The following DZIP1L variants were observed in gnomAD, a reference collection of about 807,000 sequenced individuals.
DZIP1L encodes the protein DAZ interacting zinc finger protein 1 like.
In DZIP1L, 90 loss-of-function variants were observed where a neutral mutation model predicts 88.7. That is an observed-to-expected ratio of 1.02 (90% confidence interval 0.86 to 1.21). The LOEUF (loss-of-function observed/expected upper bound fraction) is 1.21, where lower values mean the gene tolerates loss of function less well. DZIP1L is among the 50% of genes most tolerant of loss of function. DZIP1L has a pLI of 0.00. For synonymous variants in DZIP1L, 363 were observed against 372.1 expected, an observed-to-expected ratio of 0.98 and a Z score of 0.28; for missense variants, 932 against 955.8, an observed-to-expected ratio of 0.98 and a Z score of 0.33.
In DZIP1L at chr3:138,095,303, T is replaced by C. The variant is rs536893603; in HGVS notation, c.587-320A>G. On this transcript the variant is annotated intron_variant, in intron 3 of 15. Coordinates refer to ENST00000327532, the MANE Select transcript of DZIP1L (RefSeq NM_173543.3). ...TCACTTAAAATAAGTATTTTGACAG[T>C]ACTGACACGTGGAAATAGAAATTTA... 2.7e-5 allele frequency among the ~76,000 whole-genome samples: 4 copies of C among 146,584 alleles called. No homozygotes were observed. The East Asian group carries it at 7.7e-4, about 28-fold the overall frequency.
At chr3:138,095,072 G>A (rs1944407911) in intron 3 of DZIP1L, 89 bp from the exon 4 acceptor site, 13 of 1,581,310 alleles carry the variant, frequency 8.2e-6, no homozygotes, top group Admixed American at 7.1e-5. Flanking sequence ...GCCATACCTC[G>A]GTCTCAAACC....
chr3:138,085,903 T>C (rs1420172183), intron 7 of DZIP1L, among the ~76,000 whole-genome samples: 1 of 152,182 alleles, frequency 6.6e-6, no homozygotes, highest in Non-Finnish European at 1.5e-5. Context: ...GTGGCACATA[T>C]ACACCATGGA....
intron 1 of DZIP1L, among the ~76,000 whole-genome samples, chr3:138,110,204 G>T (rs1559868258): frequency 6.6e-6 from 1 of 152,056 alleles, no homozygotes; most frequent in African/African-American, 2.4e-5. Context: ...CACAAGGACA[G>T]AAAATCAAAC....
At chr3:138,064,562 C>T (rs750677326) in intron 15 of DZIP1L, 66 bp downstream of exon 15, 3 of 1,613,516 alleles carry the variant, frequency 1.9e-6, no homozygotes, top group East Asian at 4.5e-5. Flanking sequence ...TCACCCCAGG[C>T]CCCCCAAACT....
chr3:138,063,117 A>G lies in DZIP1L; in HGVS notation c.2143-140T>C. On this transcript the variant is annotated intron_variant, in intron 15 of 15. Coordinates refer to ENST00000327532, the MANE Select transcript of DZIP1L (RefSeq NM_173543.3). The surrounding 1 kb of genome is among the most constrained non-coding windows in gnomAD (Gnocchi z 4.1). ...GGGAAGAAAGCAATAGGGAGATGCTACTCCTCCTGACTTCTCAAGTCTTCC... is the reference window on the plus strand; with the variant it reads ...GGGAAGAAAGCAATAGGGAGATGCTGCTCCTCCTGACTTCTCAAGTCTTCC... 1 of 888,446 alleles carries G rather than the reference A, an allele frequency of 1.1e-6. No homozygotes were observed. Among genetic ancestry groups the G allele is most frequent in the Non-Finnish European group, 1.7e-6 (1 of 593,892 alleles). 55.0% of individuals were successfully genotyped at this position (888,446 alleles called of 1,614,324 possible).
Position 138,094,569 on chromosome 3 carries a change from A to C in DZIP1L, c.708+293T>G, listed in dbSNP as rs552182729. 2.6e-4 allele frequency among the ~76,000 whole-genome samples: 39 copies of C among 152,376 alleles called. 1 individual carries two copies. The highest frequency in any genetic ancestry group is 1.2e-3 in the South Asian group (6 of 4,834). Reference sequence around the variant, plus strand: ...TGTCCACAAAAAGTTAACTAACAGCATTGTGTACGAAGCTAAAATTCAGGT... The same window carrying C: ...TGTCCACAAAAAGTTAACTAACAGCCTTGTGTACGAAGCTAAAATTCAGGT... On this transcript the variant is annotated intron_variant, in intron 4 of 15. Coordinates refer to ENST00000327532, the MANE Select transcript of DZIP1L (RefSeq NM_173543.3).
chr3:138,095,218 A>T (rs1417989038), intron 3 of DZIP1L, among the ~76,000 whole-genome samples: 1 of 152,246 alleles, frequency 6.6e-6, no homozygotes, highest in African/African-American at 2.4e-5. Flanking sequence ...GTGAGAATGC[A>T]AAGTGCTTAG....
At chr3:138,106,808 G>C (rs1390430701) in intron 1 of DZIP1L, among the ~76,000 whole-genome samples, 1 of 151,984 alleles carries the variant, frequency 6.6e-6, no homozygotes, top group Non-Finnish European at 1.5e-5. Context: ...CTCCAGCCTG[G>C]GTGACAGAGC....
chr3:138,068,979 G>A, intron 12 of DZIP1L: 1 of 1,277,294 alleles, frequency 7.8e-7, no homozygotes, highest in Non-Finnish European at 9.9e-7. Flanking sequence ...GACATGTGTG[G>A]ATTGGGTCAC....
At position 138,088,453 on chromosome 3, in the gene DZIP1L, G is replaced by T. The variant is rs147343775; in HGVS notation, c.925C>A (p.Arg309=). 1 of 1,613,922 alleles carries T rather than the reference G, an allele frequency of 6.2e-7. No individual in the cohort carries two copies. Among genetic ancestry groups the T allele is most frequent in the Admixed American group, 1.7e-5 (1 of 59,994 alleles). The change falls in exon 6 of 16, where the codon CGA becomes AGA. Residue 309 remains arginine (R), a synonymous_variant. Coordinates refer to ENST00000327532, the MANE Select transcript of DZIP1L (RefSeq NM_173543.3). ...AGCCACTCCTCTGACTCCTCATCTC[G>T]CAGTGATCCCAGCTTGGACTCCATC... ...SVMESKLGSL[R]DEESEEWLRQ... is the part of the protein sequence containing the mutation.
Position 138,063,998 on chromosome 3 carries a change from C to T in DZIP1L, c.2142+630G>A, listed in dbSNP as rs1222677582. On this transcript the variant is annotated intron_variant, in intron 15 of 15. Transcript: ENST00000327532. This position sits in a 1 kb window ranked among gnomAD's most constrained non-coding sequence, Gnocchi z 4.1. ...AAGTTTTCTGCTTGAAAAATAACAG[C>T]AGTGTGCAAGTTGTTCCCTGATGGA... Among the ~76,000 whole-genome samples the T allele has an allele frequency of 6.6e-6, 1 of 152,140 alleles. No individual in the cohort carries two copies. The highest frequency in any genetic ancestry group is 1.9e-4 in the East Asian group (1 of 5,192).
intron 12 of DZIP1L, among the ~76,000 whole-genome samples, chr3:138,069,986 C>T (rs1031816215): frequency 6.6e-6 from 1 of 152,194 alleles, no homozygotes; most frequent in Non-Finnish European, 1.5e-5. Flanking sequence ...GGGAAGGCTG[C>T]GAAGGGGGCT....
At position 138,063,045 on chromosome 3, in the gene DZIP1L, C is replaced by T; in HGVS notation, c.2143-68G>A. 3 of 1,556,148 alleles carry T rather than the reference C, an allele frequency of 1.9e-6. No homozygotes were observed. Among genetic ancestry groups the T allele is most frequent in the Non-Finnish European group, 2.6e-6 (3 of 1,143,080 alleles). ...GAGGAGGGTGGCTGAGAGCTAAGCACATTGCAGGATGGGAATGCAGAATGG... is the reference window on the plus strand; with the variant it reads ...GAGGAGGGTGGCTGAGAGCTAAGCATATTGCAGGATGGGAATGCAGAATGG... On this transcript the variant is annotated intron_variant, in intron 15 of 15. Coordinates refer to ENST00000327532, the MANE Select transcript of DZIP1L (RefSeq NM_173543.3). The surrounding 1 kb of genome is among the most constrained non-coding windows in gnomAD (Gnocchi z 4.1).
intron 12 of DZIP1L, among the ~76,000 whole-genome samples, chr3:138,071,138 C>T (rs537781967): frequency 6.6e-6 from 1 of 152,336 alleles, no homozygotes; most frequent in South Asian, 2.1e-4. Context: ...TCATGCTCTC[C>T]CATGGCCAGA....
At chr3:138,083,436 A>G (rs1477527460) in intron 8 of DZIP1L, among the ~76,000 whole-genome samples, 1 of 152,038 alleles carries the variant, frequency 6.6e-6, no homozygotes, top group Non-Finnish European at 1.5e-5. Context: ...GAAGATACAG[A>G]TTTTCCACAG....
At chr3:138,102,722 T>C (rs1310771428) in intron 2 of DZIP1L, 8 of 814,644 alleles carry the variant, frequency 9.8e-6, no homozygotes, top group Non-Finnish European at 1.8e-5. Flanking sequence ...TTGACAGTGA[T>C]GGCAGTGATG....
intron 2 of DZIP1L, among the ~76,000 whole-genome samples, chr3:138,099,673 G>A (rs183747766): frequency 6.6e-6 from 1 of 152,256 alleles, no homozygotes; most frequent in African/African-American, 2.4e-5. Context: ...TCCCTTGGGG[G>A]TGAGGGAGTT....
chr3:138,095,088 C>T (rs1944408371), intron 3 of DZIP1L, 105 bp from the exon 4 acceptor site: 7 of 1,542,274 alleles, frequency 4.5e-6, no homozygotes, highest in East Asian at 2.3e-5. Flanking sequence ...AAACCAGCTT[C>T]GCTACTTAGT....
Position 138,097,783 on chromosome 3 carries a change from T to G in DZIP1L, c.566A>C (p.His189Pro), listed in dbSNP as rs780742594. 1 of 1,612,638 alleles carries G rather than the reference T, an allele frequency of 6.2e-7. No individual in the cohort carries two copies. Among genetic ancestry groups the G allele is most frequent in the Non-Finnish European group, 8.5e-7 (1 of 1,179,504 alleles). ...TFLRGHIQRRHAGVAEGGKQK... is the reference protein window; with the variant it reads ...TFLRGHIQRRPAGVAEGGKQK... The stretch of plus-strand genomic sequence containing the variant: ...CTCACCACCTTCTGCCACGCCTGCA[T>G]GCCTGCGCTGGATGTGGCCCCGGAG... Residue 189 changes from histidine (H) to proline (P), a missense_variant, in exon 3 of 16, where the codon CAT (histidine) becomes CCT (proline). By Grantham distance (77) the His-to-Pro change is moderately conservative. Transcript: ENST00000327532.
Sources: allele counts gnomAD v4.1 joint callset (sites outside exome capture counted in the v4.1 genomes callset), GRCh38; gene constraint gnomAD v4.1.1; non-coding constraint Gnocchi (gnomAD v3.1); transcripts MANE v1.5; gene names NCBI Gene and HGNC (gene_info 2026-07-23, HGNC 2026-07-21).